PIK3AP1: variants seen among roughly 807,000 people sequenced by gnomAD.
PIK3AP1 encodes phosphoinositide-3-kinase adaptor protein 1, also known as phosphoinositide 3-kinase adapter protein 1.
PIK3AP1 carries 21 observed loss-of-function variants against 88.1 expected under a neutral mutation model. The ratio of observed to expected loss-of-function variants is 0.24; its 90% CI spans 0.17 to 0.34. The LOEUF is 0.34. PIK3AP1 is among the 10% of genes least tolerant of loss of function. The probability of loss-of-function intolerance (pLI) is 1.00; values close to 1 mark genes in which losing one functional copy is unlikely to be tolerated. For missense variants in PIK3AP1, 828 were observed against 1,035.7 expected (o/e 0.80, Z 2.75); for synonymous variants, 398 against 400.0 (o/e 1.00, Z 0.06).
chr10:96,716,864 G>A (rs747270043), intron 1 of PIK3AP1, among the ~76,000 whole-genome samples: 15 of 152,282 alleles, frequency 9.9e-5, no homozygotes, highest in Non-Finnish European at 1.9e-4. Context: ...GGCTACAGAA[G>A]GAGAAAGAAA....
At chr10:96,604,344 A>ATTTTTTTTTTT (rs66487275) in intron 14 of PIK3AP1, among the ~76,000 whole-genome samples, 13 of 77,128 alleles carry the variant, frequency 1.7e-4, no homozygotes, top group Non-Finnish European at 2.9e-4. Flanking sequence ...CACCTAGCCA[A>ATTTTTTTTTTT]TTTTTTTTTT....
intron 15 of PIK3AP1, chr10:96,603,703 CACACACACCACAT>C: frequency 1.2e-5 from 3 of 249,054 alleles, no homozygotes; most frequent in Admixed American, 5.5e-5. Flanking sequence ...CACACACACA[CACACACACCACAT>C]ATATATATAT....
intron 1 of PIK3AP1, among the ~76,000 whole-genome samples, chr10:96,719,347 T>C (rs1844542766): frequency 6.6e-6 from 1 of 152,206 alleles, no homozygotes; most frequent in African/African-American, 2.4e-5. Context: ...TGCCTTCTCC[T>C]GGCCACCTAG....
At chr10:96,681,586 CTT>C (rs1433849217) in intron 2 of PIK3AP1, among the ~76,000 whole-genome samples, 5 of 152,146 alleles carry the variant, frequency 3.3e-5, no homozygotes, top group Non-Finnish European at 7.3e-5. Flanking sequence ...ATTCTGGAAA[CTT>C]GGGCCCAAAA....
intron 8 of PIK3AP1, among the ~76,000 whole-genome samples, chr10:96,641,696 C>G (rs1209262698): frequency 1.3e-5 from 2 of 152,176 alleles, no homozygotes; most frequent in African/African-American, 4.8e-5. Flanking sequence ...GATTCCTGAT[C>G]CAGTCCTCCC....
intron 3 of PIK3AP1, among the ~76,000 whole-genome samples, chr10:96,655,105 G>T (rs371644540): frequency 6.6e-6 from 1 of 152,178 alleles, no homozygotes; most frequent in Admixed American, 6.5e-5. Context: ...GCCCAGGCTG[G>T]TCTCAAACTC....
intron 2 of PIK3AP1, among the ~76,000 whole-genome samples, chr10:96,667,432 A>G (rs1843779415): frequency 6.6e-6 from 1 of 152,260 alleles, no homozygotes; most frequent in African/African-American, 2.4e-5. Flanking sequence ...ACAATATGCT[A>G]GGAACTACGC....
intron 2 of PIK3AP1, among the ~76,000 whole-genome samples, chr10:96,667,604 AG>A (rs1247524142): frequency 6.6e-6 from 1 of 152,204 alleles, no homozygotes; most frequent in African/African-American, 2.4e-5. Context: ...TCCATCTGCC[AG>A]GGTTTCCCAT....
At chr10:96,691,114 T>C (rs56331924) in intron 2 of PIK3AP1, among the ~76,000 whole-genome samples, 73,557 of 151,766 alleles carry the variant, frequency 0.48, 17,989 homozygotes, top group Middle Eastern at 0.62. Flanking sequence ...AGGTTGGAGT[T>C]CCCTCCTTCC....
chr10:96,696,907 G>A (rs951069475), intron 2 of PIK3AP1, among the ~76,000 whole-genome samples: 4 of 152,190 alleles, frequency 2.6e-5, no homozygotes, highest in African/African-American at 4.8e-5. Flanking sequence ...TCGAGACCCA[G>A]TAATGAAATG....
intron 2 of PIK3AP1, among the ~76,000 whole-genome samples, chr10:96,683,740 C>T (rs990051843): frequency 4.6e-5 from 7 of 152,202 alleles, no homozygotes; most frequent in Admixed American, 2.0e-4. Flanking sequence ...CTAGATGCTA[C>T]TACGTGCTGA....
In PIK3AP1 at chr10:96,616,661, C is replaced by T. The variant is rs759009571; in HGVS notation, c.1992G>A (p.Lys664=). 6.2e-7 allele frequency: 1 copy of T among 1,614,184 alleles called. No individual in the cohort carries two copies. The highest frequency in any genetic ancestry group is 1.1e-5 in the South Asian group (1 of 91,076). Residue 664 remains lysine, a synonymous_variant, in exon 13 of 17, where the codon AAG becomes AAA. Transcript: ENST00000339364. ...TACCTGTCTGCTTTCCTGATTTTTG[C>T]TTCTCTCTCTGTCTTCGGGTGATGC... ...RDSITRRQRE[K]QKSGKQTDLE... is the part of the protein sequence containing the mutation.
chr10:96,711,739 A>ATTTTTTTTGTTTTTTTTTT (rs1844439261), intron 1 of PIK3AP1, among the ~76,000 whole-genome samples: 1 of 66,426 alleles, frequency 1.5e-5, no homozygotes, highest in African/African-American at 7.0e-5. Context: ...AGATTACCAA[A>ATTTTTTTTGTTTTTTTTTT]TTTTTTTTTT....
intron 13 of PIK3AP1, among the ~76,000 whole-genome samples, chr10:96,611,710 C>G (rs1341847220): frequency 6.6e-6 from 1 of 152,130 alleles, no homozygotes; most frequent in Non-Finnish European, 1.5e-5. Context: ...CCTCATGATC[C>G]ACCCATCTCA....
chr10:96,630,512 T>C (rs1843230062), intron 8 of PIK3AP1, among the ~76,000 whole-genome samples: 1 of 152,130 alleles, frequency 6.6e-6, no homozygotes, highest in African/African-American at 2.4e-5. Flanking sequence ...TGCTTAATTG[T>C]GTTTCACGGA....
intron 2 of PIK3AP1, among the ~76,000 whole-genome samples, chr10:96,679,658 C>T (rs1310685948): frequency 2.0e-5 from 3 of 152,160 alleles, no homozygotes. Flanking sequence ...ACATTAAGGA[C>T]ATTTATCTCC....
At chr10:96,629,938 AGAAG>A (rs1843222421) in intron 8 of PIK3AP1, among the ~76,000 whole-genome samples, 10 of 128,230 alleles carry the variant, frequency 7.8e-5, no homozygotes, top group African/African-American at 1.8e-4. Flanking sequence ...AAAAAGAAGA[AGAAG>A]AAGAAGAAGA....
At chr10:96,599,866 T>G (rs1324261) in intron 16 of PIK3AP1, among the ~76,000 whole-genome samples, 1 of 151,904 alleles carries the variant, frequency 6.6e-6, no homozygotes, top group Non-Finnish European at 1.5e-5. Context: ...CTATCACAAC[T>G]TGCTTCCAGA....
At chr10:96,628,113 T>G (rs974456594) in intron 9 of PIK3AP1, among the ~76,000 whole-genome samples, 2 of 152,012 alleles carry the variant, frequency 1.3e-5, no homozygotes, top group Non-Finnish European at 2.9e-5. Flanking sequence ...CTCAATAAAT[T>G]TTGGCCAAAT....
Sources: gnomAD v4.1 joint callset for allele counts (sites outside exome capture counted in the v4.1 genomes callset) on GRCh38, gnomAD v4.1.1 for gene constraint, MANE v1.5 for transcripts, NCBI Gene and HGNC (gene_info 2026-07-23, HGNC 2026-07-21) for gene names.